MAML3: variants seen among roughly 807,000 people sequenced by gnomAD.
The protein encoded by MAML3 is mastermind like transcriptional coactivator 3.
MAML3 carries 27 observed loss-of-function variants against 101.9 expected under a neutral mutation model. The observed-to-expected ratio is 0.27, with a 90% CI of 0.20 to 0.37. The LOEUF is 0.37. MAML3 is among the 10% of genes least tolerant of loss of function. The probability of loss-of-function intolerance (pLI) is 1.00; values close to 1 mark genes in which losing one functional copy is unlikely to be tolerated. For synonymous variants in MAML3, 501 were observed against 555.9 expected (o/e 0.90, Z 1.39); for missense variants, 1,316 against 1,444.9 (o/e 0.91, Z 1.45).
intron 1 of MAML3, among the ~76,000 whole-genome samples, chr4:139,941,529 G>A (rs927357007): frequency 6.8e-6 from 1 of 146,722 alleles, no homozygotes; most frequent in African/African-American, 2.7e-5. Flanking sequence ...CTAATGTGTT[G>A]TTGTTGTTGT....
chr4:140,153,196 C>G lies in MAML3; in HGVS notation c.132G>C (p.Pro44=). The change falls in exon 1 of 5, where the codon CCG becomes CCC. Residue 44 remains proline (P), a synonymous_variant. Transcript: ENST00000509479. ...CACCGGCTGCCGGGTGATTGCTACT[C>G]GGAGCAGCGGGAGTACTATTGGGAG... ...NNTPNSTPAA[P]SSNHPAAGGC... 6.4e-7 allele frequency: 1 copy of G among 1,555,040 alleles called. No homozygotes were observed. Among genetic ancestry groups the G allele is most frequent in the South Asian group, 1.2e-5 (1 of 84,708 alleles).
chr4:140,131,778 A>G (rs1195936527), intron 1 of MAML3, among the ~76,000 whole-genome samples: 3 of 152,190 alleles, frequency 2.0e-5, no homozygotes, highest in Non-Finnish European at 4.4e-5. Flanking sequence ...AAACATCAGC[A>G]ATCAGTCTAC....
At chr4:139,850,204 T>A (rs1373335672) in intron 2 of MAML3, among the ~76,000 whole-genome samples, 1 of 152,250 alleles carries the variant, frequency 6.6e-6, no homozygotes, top group Non-Finnish European at 1.5e-5. Context: ...AGTTTCTATA[T>A]CATTTTGTGT....
At chr4:139,895,712 T>C (rs1578652499) in intron 1 of MAML3, among the ~76,000 whole-genome samples, 1 of 152,236 alleles carries the variant, frequency 6.6e-6, no homozygotes, top group South Asian at 2.1e-4. Flanking sequence ...TGATGTAGCT[T>C]TTTTAATATG....
At chr4:140,032,778 A>G (rs1473238555) in intron 1 of MAML3, among the ~76,000 whole-genome samples, 1 of 152,034 alleles carries the variant, frequency 6.6e-6, no homozygotes. Context: ...GAATATGGTC[A>G]ATTTTTATTC....
At chr4:140,129,623 G>A (rs931938036) in intron 1 of MAML3, among the ~76,000 whole-genome samples, 4 of 152,074 alleles carry the variant, frequency 2.6e-5, no homozygotes, top group African/African-American at 4.8e-5. Flanking sequence ...AGGCTGCTGC[G>A]CAATCCATAC....
intron 1 of MAML3, among the ~76,000 whole-genome samples, chr4:139,901,648 A>C (rs1732720950): frequency 6.6e-6 from 1 of 152,238 alleles, no homozygotes; most frequent in South Asian, 2.1e-4. Context: ...AGGATGGCAA[A>C]TGAAAAGATC....
At chr4:140,108,299 C>G (rs908988505) in intron 1 of MAML3, among the ~76,000 whole-genome samples, 10 of 151,980 alleles carry the variant, frequency 6.6e-5, no homozygotes, top group African/African-American at 2.4e-4. Flanking sequence ...TGGGAGCAGG[C>G]TGTCCCCTGC....
chr4:140,014,695 GT>G (rs1726615337), intron 1 of MAML3, among the ~76,000 whole-genome samples: 2 of 152,272 alleles, frequency 1.3e-5, no homozygotes, highest in South Asian at 4.1e-4. Flanking sequence ...TTTTTTTGTT[GT>G]TGCTGTTGCT....
chr4:139,803,500 G>T (rs970239603), intron 2 of MAML3, among the ~76,000 whole-genome samples: 2 of 152,126 alleles, frequency 1.3e-5, no homozygotes, highest in African/African-American at 4.8e-5. Flanking sequence ...CAGGCGTTTG[G>T]GAGATGTGTA....
At chr4:140,071,789 A>AGAGAGAGAGAGAGAGAGAGAG (rs1553972703) in intron 1 of MAML3, among the ~76,000 whole-genome samples, 1 of 90,364 alleles carries the variant, frequency 1.1e-5, no homozygotes, top group Non-Finnish European at 2.4e-5. Context: ...GAGAGAGAGA[A>AGAGAGAGAGAGAGAGAGAGAG]GGCACGCATC....
chr4:140,037,513 C>T (rs764119817), intron 1 of MAML3, among the ~76,000 whole-genome samples: 16 of 152,164 alleles, frequency 1.1e-4, no homozygotes, highest in Non-Finnish European at 1.9e-4. Flanking sequence ...AAAAAGGAAT[C>T]TGAGTAATGC....
intron 2 of MAML3, among the ~76,000 whole-genome samples, chr4:139,781,521 A>G (rs1730214702): frequency 6.6e-6 from 1 of 150,926 alleles, no homozygotes; most frequent in Non-Finnish European, 1.5e-5. Context: ...ATATATATAT[A>G]TATATATATA....
At chr4:139,833,816 G>A (rs560068034) in intron 2 of MAML3, among the ~76,000 whole-genome samples, 2 of 152,214 alleles carry the variant, frequency 1.3e-5, no homozygotes, top group African/African-American at 4.8e-5. Context: ...GATGGGGGTG[G>A]GGGCTCTCCA....
At chr4:140,107,413 T>G (rs906968144) in intron 1 of MAML3, among the ~76,000 whole-genome samples, 34 of 152,162 alleles carry the variant, frequency 2.2e-4, no homozygotes, top group African/African-American at 7.5e-4. Flanking sequence ...ATTTAGATTA[T>G]TTGTCTAGCA....
At chr4:139,837,268 G>A (rs915309090) in intron 2 of MAML3, among the ~76,000 whole-genome samples, 12 of 151,284 alleles carry the variant, frequency 7.9e-5, no homozygotes, top group African/African-American at 2.2e-4. Context: ...AGGCCGAGAC[G>A]GGCGGATCAC....
chr4:139,928,401 G>T (rs758564701), intron 1 of MAML3, among the ~76,000 whole-genome samples: 1 of 152,192 alleles, frequency 6.6e-6, no homozygotes, highest in Non-Finnish European at 1.5e-5. Flanking sequence ...TAGTTTATGG[G>T]CTACAAGAAA....
intron 1 of MAML3, among the ~76,000 whole-genome samples, chr4:139,923,618 TTG>T (rs3079902): frequency 0.026 from 3,845 of 150,206 alleles, 143 homozygotes; most frequent in African/African-American, 0.086. Context: ...GGGGTAGTCT[TTG>T]TGTGTGTGTG....
At chr4:140,083,397 C>T (rs1727894664) in intron 1 of MAML3, among the ~76,000 whole-genome samples, 1 of 152,220 alleles carries the variant, frequency 6.6e-6, no homozygotes, top group South Asian at 2.1e-4. Flanking sequence ...CCATGCATGC[C>T]ATTCCAATGC....
Sources: gnomAD v4.1 joint callset for allele counts (sites outside exome capture counted in the v4.1 genomes callset) on GRCh38, gnomAD v4.1.1 for gene constraint, MANE v1.5 for transcripts, NCBI Gene and HGNC (gene_info 2026-07-23, HGNC 2026-07-21) for gene names.